HACD2: variants seen among roughly 807,000 people sequenced by gnomAD.
The protein encoded by HACD2 is 3-hydroxyacyl-CoA dehydratase 2.
A neutral mutation model predicts 31.0 loss-of-function variants in HACD2; 15 were observed. That is an observed-to-expected ratio of 0.48 (90% CI 0.32 to 0.75). The LOEUF is 0.75. Ranked by LOEUF, HACD2 falls within the 30% of genes least tolerant of loss-of-function variation. The probability of loss-of-function intolerance (pLI) is 0.03; values close to 1 mark genes in which losing one functional copy is unlikely to be tolerated. For synonymous variants in HACD2, 115 were observed against 122.2 expected, an observed-to-expected ratio of 0.94 and a Z score of 0.39; for missense variants, 283 against 313.0, an observed-to-expected ratio of 0.90 and a Z score of 0.72.
rs6805970 is a variant in HACD2, at chr3:123,579,523, C to A, written c.273+2689G>T. On this transcript the variant is annotated intron_variant, in intron 2 of 6. Coordinates refer to ENST00000383657, the MANE Select transcript of HACD2 (RefSeq NM_198402.5). ...CTTGCTATGTTGCTCAAGCTGGTCT[C>A]GAACTCTTGCCCTCAAGTGATCCTC... Among the ~76,000 whole-genome samples the A allele has an allele frequency of 3.3e-5, 5 of 151,856 alleles. No individual in the cohort carries two copies. The South Asian group carries it at 8.3e-4, about 25-fold the overall frequency.
At chr3:123,558,384 A>C (rs1440029516) in intron 3 of HACD2, among the ~76,000 whole-genome samples, 1 of 152,214 alleles carries the variant, frequency 6.6e-6, no homozygotes, top group Non-Finnish European at 1.5e-5. Flanking sequence ...CGATTGTACA[A>C]TGCTAAGAGT....
At chr3:123,583,662 T>TG (rs2056989420) in intron 1 of HACD2, among the ~76,000 whole-genome samples, 2 of 152,162 alleles carry the variant, frequency 1.3e-5, no homozygotes, top group African/African-American at 4.8e-5. Flanking sequence ...TTCTTCTTCG[T>TG]GAAAAAAAAG....
At chr3:123,498,838 G>C (rs1265216108) in intron 6 of HACD2, among the ~76,000 whole-genome samples, 2 of 152,288 alleles carry the variant, frequency 1.3e-5, no homozygotes, top group Admixed American at 1.3e-4. Flanking sequence ...CATCATGGAG[G>C]CTGCGTGTGG....
chr3:123,578,385 C>G (rs2056930552), intron 2 of HACD2, among the ~76,000 whole-genome samples: 1 of 152,162 alleles, frequency 6.6e-6, no homozygotes, highest in South Asian at 2.1e-4. Context: ...ATCCTCCCAC[C>G]TCAGTCTCCT....
chr3:123,515,592 C>A (rs182300816), intron 4 of HACD2, among the ~76,000 whole-genome samples: 1 of 152,182 alleles, frequency 6.6e-6, no homozygotes, highest in Admixed American at 6.5e-5. Context: ...GTTCTAACGA[C>A]AATCTGGGTC....
chr3:123,496,270 G>A (rs2124498), intron 6 of HACD2, among the ~76,000 whole-genome samples: 81,230 of 152,082 alleles, frequency 0.53, 24,979 homozygotes, highest in Non-Finnish European at 0.69. Flanking sequence ...GGGTGTGCCC[G>A]CCTCAGCCTC....
At position 123,505,691 on chromosome 3, in the gene HACD2, G is replaced by A. The variant is rs116551855; in HGVS notation, c.382-3010C>T. On this transcript the variant is annotated intron_variant, in intron 4 of 6. Coordinates refer to ENST00000383657, the MANE Select transcript of HACD2 (RefSeq NM_198402.5). ...CCCAATTACTACACTGTAAATAGAT[G>A]AGACCCCATTTAGGGAACAGAGTCT... Among the ~76,000 whole-genome samples, 381 of 152,306 alleles carry A rather than the reference G, an allele frequency of 2.5e-3. 1 individual carries two copies. Among genetic ancestry groups the A allele is most frequent in the African/African-American group, 8.9e-3 (368 of 41,562 alleles).
intron 4 of HACD2, 176 bp from the exon 5 acceptor site, chr3:123,502,857 G>A: frequency 1.7e-6 from 1 of 598,344 alleles, no homozygotes; most frequent in Non-Finnish European, 2.9e-6. Context: ...TGACAGCTGT[G>A]TACATCCCAG....
At chr3:123,568,787 T>G (rs2056821962) in intron 2 of HACD2, among the ~76,000 whole-genome samples, 2 of 152,328 alleles carry the variant, frequency 1.3e-5, no homozygotes, top group South Asian at 4.1e-4. Flanking sequence ...ATTTTTACAT[T>G]TCTCTAGCAG....
rs2055781625 is a variant in HACD2, at chr3:123,492,917, CAAGAA to C, written c.*1966_*1970del. 1.3e-5 allele frequency: 2 copies of C among 152,268 alleles called. No homozygotes were observed. Among genetic ancestry groups the C allele is most frequent in the South Asian group, 4.1e-4 (2 of 4,826 alleles). 9.4% of individuals were successfully genotyped at this position (152,268 alleles called of 1,614,324 possible). ...TCCCACATATTTTGTCTATCAAATA[CAAGAA>C]TAGATTCTAATTTCAACATGTCCAA... On this transcript the variant is annotated 3_prime_UTR_variant, in exon 7 of 7. Transcript: ENST00000383657.
chr3:123,514,928 G>A lies in HACD2; in HGVS notation c.382-12247C>T, dbSNP rs556527416. On this transcript the variant is annotated intron_variant, in intron 4 of 6. Coordinates refer to ENST00000383657, the MANE Select transcript of HACD2 (RefSeq NM_198402.5). Reference sequence around the variant, plus strand: ...GTATAAAGAACATATTCAGTTCTGTGTGAAAAGCCAATTATATCTCTGTTA... The same window carrying A: ...GTATAAAGAACATATTCAGTTCTGTATGAAAAGCCAATTATATCTCTGTTA... Among the ~76,000 whole-genome samples, 24 of 152,306 alleles carry A rather than the reference G, an allele frequency of 1.6e-4. No homozygotes were observed. In the East Asian group the frequency reaches 4.4e-3, roughly 28 times the overall value.
At chr3:123,546,559 C>T (rs1388466255) in intron 3 of HACD2, among the ~76,000 whole-genome samples, 1 of 152,162 alleles carries the variant, frequency 6.6e-6, no homozygotes, top group East Asian at 1.9e-4. Context: ...CATATTAACT[C>T]ATCACAGACG....
intron 4 of HACD2, among the ~76,000 whole-genome samples, chr3:123,511,760 A>C (rs1407593139): frequency 6.6e-6 from 1 of 152,250 alleles, no homozygotes; most frequent in African/African-American, 2.4e-5. Context: ...TTCTTCCCTG[A>C]GTCTTGTTTT....
chr3:123,584,053 C>T (rs191467459), intron 1 of HACD2, among the ~76,000 whole-genome samples: 2 of 152,254 alleles, frequency 1.3e-5, no homozygotes, highest in East Asian at 3.9e-4. Flanking sequence ...ACCAAAATGA[C>T]AAGATAAAGA....
chr3:123,581,257 AC>A (rs1294483033), intron 2 of HACD2, among the ~76,000 whole-genome samples: 1 of 152,200 alleles, frequency 6.6e-6, no homozygotes, highest in East Asian at 1.9e-4. Context: ...AAGGTTTTTC[AC>A]CATAATGAAA....
chr3:123,559,422 G>A (rs747470674), intron 3 of HACD2, among the ~76,000 whole-genome samples: 1 of 152,130 alleles, frequency 6.6e-6, no homozygotes, highest in Non-Finnish European at 1.5e-5. Context: ...AACATCTAGC[G>A]TACCCTCCTT....
At chr3:123,528,354 T>C (rs2056310554) in intron 4 of HACD2, 32 bp downstream of exon 4, 3 of 1,286,666 alleles carry the variant, frequency 2.3e-6, no homozygotes, top group Non-Finnish European at 2.3e-6. Flanking sequence ...TTTGTTAGTG[T>C]TGACATTATT....
intron 3 of HACD2, among the ~76,000 whole-genome samples, chr3:123,565,909 C>T (rs542469024): frequency 3.4e-4 from 52 of 152,266 alleles, no homozygotes; most frequent in African/African-American, 1.2e-3. Context: ...AAGTTTAATA[C>T]CCATTCATCA....
At chr3:123,559,269 G>A (rs1232424423) in intron 3 of HACD2, among the ~76,000 whole-genome samples, 1 of 151,834 alleles carries the variant, frequency 6.6e-6, no homozygotes, top group Non-Finnish European at 1.5e-5. Flanking sequence ...CATAGTAAAC[G>A]TCTGTTACAG....
Sources: allele counts gnomAD v4.1 joint callset (sites outside exome capture counted in the v4.1 genomes callset), GRCh38; gene constraint gnomAD v4.1.1; transcripts MANE v1.5; gene names NCBI Gene and HGNC (gene_info 2026-07-23, HGNC 2026-07-21).